RALGAPA1: variants seen among roughly 807,000 people sequenced by gnomAD.
The protein encoded by RALGAPA1 is Ral GTPase activating protein catalytic subunit alpha 1.
In RALGAPA1, 52 loss-of-function variants were observed where a neutral mutation model predicts 269.6. The ratio of observed to expected loss-of-function variants is 0.19; its 90% CI spans 0.15 to 0.24. The LOEUF is 0.24. Among genes scored for constraint, RALGAPA1 ranks in the 10% least tolerant of loss-of-function variants. RALGAPA1 has a pLI of 1.00. For synonymous variants in RALGAPA1, 817 were observed against 1,008.3 expected, an observed-to-expected ratio of 0.81 and a Z score of 3.60; for missense variants, 1,917 against 3,013.9, an observed-to-expected ratio of 0.64 and a Z score of 8.52.
chr14:35,670,935 A>AG (rs2064362731), intron 26 of RALGAPA1, among the ~76,000 whole-genome samples: 1 of 151,278 alleles, frequency 6.6e-6, no homozygotes. Flanking sequence ...AAAAAAAAAA[A>AG]AGAGAGAGAG....
chr14:35,640,300 AT>A (rs1371890983), intron 31 of RALGAPA1, among the ~76,000 whole-genome samples: 1 of 152,144 alleles, frequency 6.6e-6, no homozygotes, highest in Non-Finnish European at 1.5e-5. Context: ...AAATTGGCAC[AT>A]GAAACAAAAA....
chr14:35,551,816 A>G (rs1194467681), intron 39 of RALGAPA1, among the ~76,000 whole-genome samples: 2 of 152,092 alleles, frequency 1.3e-5, no homozygotes, highest in African/African-American at 4.8e-5. Flanking sequence ...GATATAACAT[A>G]CTCATTTTGT....
intron 1 of RALGAPA1, among the ~76,000 whole-genome samples, chr14:35,804,321 A>G (rs1238912755): frequency 6.7e-6 from 1 of 149,704 alleles, no homozygotes; most frequent in Non-Finnish European, 1.5e-5. Context: ...CTGTAATCCC[A>G]GCACTTTGGA....
At chr14:35,566,126 C>T (rs2056680729) in intron 39 of RALGAPA1, among the ~76,000 whole-genome samples, 1 of 151,380 alleles carries the variant, frequency 6.6e-6, no homozygotes, top group Admixed American at 6.6e-5. Flanking sequence ...AGACCCCTCC[C>T]CTGCCTGAAA....
At chr14:35,766,039 C>G in intron 4 of RALGAPA1, 1 of 1,364,844 alleles carries the variant, frequency 7.3e-7, no homozygotes, top group Non-Finnish European at 1.0e-6. Context: ...TGGCTGATAA[C>G]TGGAGGAAGC....
chr14:35,637,365 G>T (rs149267026), intron 31 of RALGAPA1, among the ~76,000 whole-genome samples: 2,374 of 152,242 alleles, frequency 0.016, 49 homozygotes, highest in African/African-American at 0.052. Flanking sequence ...ATTTAACAAA[G>T]AGATTGAAAT....
Position 35,548,490 on chromosome 14 carries a change from G to A in RALGAPA1, c.*23+18C>T. 2 of 1,541,836 alleles carry A rather than the reference G, an allele frequency of 1.3e-6. No homozygotes were observed. The highest frequency in any genetic ancestry group is 1.4e-5 in the African/African-American group (1 of 71,114). On this transcript the variant is annotated intron_variant, in intron 41 of 41. Transcript: ENST00000680220. ...TGGGAGAAGAACAGAGGGTGTTTTG[G>A]TTGACACTTTGTCTTACCTTCAGAT... is the stretch of plus-strand genomic sequence containing the variant.
intron 13 of RALGAPA1, among the ~76,000 whole-genome samples, chr14:35,727,385 CTAGA>C (rs2070060338): frequency 7.2e-6 from 1 of 138,546 alleles, no homozygotes; most frequent in Non-Finnish European, 1.5e-5. Context: ...GTTTGATGAG[CTAGA>C]TATTCACCAA....
chr14:35,564,163 T>C (rs1282681239), intron 39 of RALGAPA1, among the ~76,000 whole-genome samples: 1 of 152,204 alleles, frequency 6.6e-6, no homozygotes, highest in Non-Finnish European at 1.5e-5. Flanking sequence ...GTGCTTCATG[T>C]GGATAATTTT....
At chr14:35,796,661 A>G (rs572985668) in intron 1 of RALGAPA1, among the ~76,000 whole-genome samples, 1 of 152,276 alleles carries the variant, frequency 6.6e-6, no homozygotes, top group Non-Finnish European at 1.5e-5. Flanking sequence ...CATAAAAAGT[A>G]AGATACAGAT....
intron 17 of RALGAPA1, among the ~76,000 whole-genome samples, chr14:35,693,763 C>CT (rs1327965400): frequency 6.6e-6 from 1 of 151,874 alleles, no homozygotes; most frequent in African/African-American, 2.4e-5. Context: ...TTTAAAAACT[C>CT]TATAAAGTTA....
intron 1 of RALGAPA1, among the ~76,000 whole-genome samples, chr14:35,795,829 A>T (rs2141852023): frequency 6.6e-6 from 1 of 151,834 alleles, no homozygotes; most frequent in Non-Finnish European, 1.5e-5. Context: ...AAAAAAAAAA[A>T]AAAATTAGCT....
intron 36 of RALGAPA1, among the ~76,000 whole-genome samples, chr14:35,597,181 C>T (rs541029748): frequency 1.3e-5 from 2 of 152,270 alleles, no homozygotes; most frequent in South Asian, 2.1e-4. Context: ...AATAGTTAAA[C>T]GTGAAACTTT....
chr14:35,561,319 G>A (rs1594585332), intron 39 of RALGAPA1, among the ~76,000 whole-genome samples: 1 of 147,644 alleles, frequency 6.8e-6, no homozygotes, highest in Non-Finnish European at 1.5e-5. Context: ...AATTAAAACT[G>A]ACATAATCAA....
chr14:35,762,868 C>A, intron 4 of RALGAPA1, 115 bp from the exon 5 acceptor site: 1 of 663,120 alleles, frequency 1.5e-6, no homozygotes. Context: ...CCAAATTATT[C>A]TTGGTGACCT....
rs528541717 is a variant in RALGAPA1 at position 35,630,476 on chromosome 14, T to G, written c.5996-2525A>C. 1.2e-4 allele frequency among the ~76,000 whole-genome samples: 18 copies of G among 152,308 alleles called. No homozygotes were observed. The South Asian group carries it at 3.7e-3, about 32-fold the overall frequency. ...CTAATTTTTACATTAGAGAAGAGGC[T>G]TCACCATGTTGGTCAGGCTGGTCTT... On this transcript the variant is annotated intron_variant, in intron 33 of 41. Transcript: ENST00000680220.
chr14:35,596,427 C>T (rs1220751248), intron 36 of RALGAPA1, among the ~76,000 whole-genome samples: 1 of 151,660 alleles, frequency 6.6e-6, no homozygotes, highest in Non-Finnish European at 1.5e-5. Context: ...GTGTTCATTA[C>T]AGAAAATTAG....
At chr14:35,674,977 C>T (rs1322663174) in intron 22 of RALGAPA1, among the ~76,000 whole-genome samples, 1 of 152,056 alleles carries the variant, frequency 6.6e-6, no homozygotes, top group Non-Finnish European at 1.5e-5. Context: ...AAATTTCTAT[C>T]TATGCAGATA....
At chr14:35,670,684 G>A (rs2064332436) in intron 26 of RALGAPA1, among the ~76,000 whole-genome samples, 1 of 152,160 alleles carries the variant, frequency 6.6e-6, no homozygotes, top group African/African-American at 2.4e-5. Flanking sequence ...CAGCACTTTG[G>A]GAGGCTGAGG....
Sources: allele counts gnomAD v4.1 joint callset (sites outside exome capture counted in the v4.1 genomes callset), GRCh38; gene constraint gnomAD v4.1.1; transcripts MANE v1.5; gene names NCBI Gene and HGNC (gene_info 2026-07-23, HGNC 2026-07-21).